JAK3: variants seen among roughly 807,000 people sequenced by gnomAD.
JAK3 encodes the protein Janus kinase 3.
JAK3 carries 88 observed loss-of-function variants against 120.8 expected under a neutral mutation model. The observed-to-expected ratio is 0.73, with a 90% CI of 0.61 to 0.87. The LOEUF is 0.87. Among genes scored for constraint, JAK3 ranks in the 40% least tolerant of loss-of-function variants. The probability of loss-of-function intolerance (pLI) is 0.00; values close to 1 mark genes in which losing one functional copy is unlikely to be tolerated. For missense variants in JAK3, 1,254 were observed against 1,501.4 expected (o/e 0.84, Z 2.72); for synonymous variants, 592 against 628.6 (o/e 0.94, Z 0.87).
intron 8 of JAK3, among the ~76,000 whole-genome samples, chr19:17,840,632 G>A (rs557706591): frequency 6.6e-6 from 1 of 151,954 alleles, no homozygotes; most frequent in Non-Finnish European, 1.5e-5. Context: ...GCGTGGTGGC[G>A]AGCACCTGTA....
chr19:17,838,969 G>A lies in JAK3; in HGVS notation c.1441+508C>T, dbSNP rs568686889. Among the ~76,000 whole-genome samples, 37 of 152,234 alleles carry A rather than the reference G, an allele frequency of 2.4e-4. 2 individuals are homozygous for A. In the South Asian group the frequency reaches 6.8e-3, roughly 28 times the overall value. The stretch of plus-strand genomic sequence containing the variant: ...GACCTCAGGTGATCCATCTGCCTCA[G>A]CCTCCCGAAGTGCTGGTATTACAGA... On this transcript the variant is annotated intron_variant, in intron 10 of 23. Coordinates refer to ENST00000458235, the MANE Select transcript of JAK3 (RefSeq NM_000215.4).
In JAK3 at chr19:17,831,561, T is replaced by C. The variant is rs1122385; in HGVS notation, c.2805+113A>G. The C allele has an allele frequency of 0.34, 514,289 of 1,493,028 alleles. 92,208 individuals carry two copies. Among genetic ancestry groups the C allele is most frequent in the African/African-American group, 0.57 (40,399 of 71,466 alleles). 92.5% of individuals were successfully genotyped at this position (1,493,028 alleles called of 1,614,324 possible). A position where few individuals can be genotyped will look rare whatever the true frequency, so the allele number is the denominator to read the frequency against. ...CTGAGCCCTAAGCCAACCCCACCAC[T>C]CCCGAGACCTGGACCCCAAACCACT... On this transcript the variant is annotated intron_variant, in intron 20 of 23. Coordinates refer to ENST00000458235, the MANE Select transcript of JAK3 (RefSeq NM_000215.4). This position sits in a 1 kb window ranked among gnomAD's most constrained non-coding sequence, Gnocchi z 5.1.
chr19:17,825,253 A>G lies in JAK3; in HGVS notation c.*1490T>C. 4.4e-6 allele frequency: 1 copy of G among 229,540 alleles called. No homozygotes were observed. The allele number at this position is 229,540 out of a possible 1,614,324, so 14.2% of individuals were successfully genotyped here. A position where few individuals can be genotyped will look rare whatever the true frequency, so the allele number is the denominator to read the frequency against. Reference sequence around the variant, plus strand: ...TGTAGGCTCCAATACTTGGGCTCTTAACCTCCTTACTCTGAGCCTTCTCAC... The same window carrying G: ...TGTAGGCTCCAATACTTGGGCTCTTGACCTCCTTACTCTGAGCCTTCTCAC... On this transcript the variant is annotated 3_prime_UTR_variant, in exon 24 of 24. Transcript: ENST00000458235.
At position 17,840,279 on chromosome 19, in the gene JAK3, C is replaced by T. The variant is rs767428670; in HGVS notation, c.1205G>A (p.Arg402His). ...GCTGTCAAAGTCCTGGGGGCTGCGGCGGAGAACATAGGAGCCAGGACGTGA... is the reference window on the plus strand; with the variant it reads ...GCTGTCAAAGTCCTGGGGGCTGCGGTGGAGAACATAGGAGCCAGGACGTGA... ...GGSRPGSYVL[R>H]RSPQDFDSFL... Residue 402 changes from arginine (R) to histidine (H), a missense_variant, in exon 9 of 24, where the codon CGC (arginine) becomes CAC (histidine). Arg to His is a conservative substitution (Grantham distance 29). Coordinates refer to ENST00000458235, the MANE Select transcript of JAK3 (RefSeq NM_000215.4). 1.2e-6 allele frequency: 2 copies of T among 1,613,938 alleles called. No individual in the cohort carries two copies. Among genetic ancestry groups the T allele is most frequent in the South Asian group, 1.1e-5 (1 of 91,076 alleles).
chr19:17,834,474 C>G, intron 17 of JAK3, 97 bp downstream of exon 17: 1 of 1,418,016 alleles, frequency 7.1e-7, no homozygotes, highest in East Asian at 2.4e-5. Flanking sequence ...CCAACCTCAC[C>G]AGACACACAG....
chr19:17,845,510 G>GA (rs1252295794), intron 1 of JAK3, among the ~76,000 whole-genome samples: 8 of 151,818 alleles, frequency 5.3e-5, no homozygotes, highest in East Asian at 3.9e-4. Flanking sequence ...CTCTCAAAAA[G>GA]AAAAAAAAGC....
intron 17 of JAK3, among the ~76,000 whole-genome samples, chr19:17,834,037 G>A (rs113580539): frequency 1.3e-5 from 2 of 151,910 alleles, no homozygotes; most frequent in African/African-American, 4.8e-5. Context: ...ACTGCGCCCA[G>A]CCAAACATTT....
chr19:17,831,593 C>A lies in JAK3; in HGVS notation c.2805+81G>T. 1.3e-6 allele frequency: 2 copies of A among 1,544,188 alleles called. No homozygotes were observed. Among genetic ancestry groups the A allele is most frequent in the Non-Finnish European group, 1.7e-6 (2 of 1,146,454 alleles). ...ACCTGGACCCCAAACCACTCCTCAGCCTTCACCGCGACCTCCAAGCAGACC... is the reference window on the plus strand; with the variant it reads ...ACCTGGACCCCAAACCACTCCTCAGACTTCACCGCGACCTCCAAGCAGACC... On this transcript the variant is annotated intron_variant, in intron 20 of 23. Coordinates refer to ENST00000458235, the MANE Select transcript of JAK3 (RefSeq NM_000215.4). The surrounding 1 kb of genome is among the most constrained non-coding windows in gnomAD (Gnocchi z 5.1).
chr19:17,847,309 T>C (rs1399695567), intron 1 of JAK3, among the ~76,000 whole-genome samples: 1 of 152,112 alleles, frequency 6.6e-6, no homozygotes, highest in Non-Finnish European at 1.5e-5. Flanking sequence ...GAGACCTGCC[T>C]GAACAACATA....
Position 17,824,856 on chromosome 19 carries a change from C to T in JAK3, c.*1887G>A, listed in dbSNP as rs955193889. 4.7e-6 allele frequency: 1 copy of T among 210,714 alleles called. No individual in the cohort carries two copies. The highest frequency in any genetic ancestry group is 2.3e-5 in the African/African-American group (1 of 44,044). 13.1% of individuals were successfully genotyped at this position (210,714 alleles called of 1,614,324 possible). On this transcript the variant is annotated 3_prime_UTR_variant, in exon 24 of 24. Coordinates refer to ENST00000458235, the MANE Select transcript of JAK3 (RefSeq NM_000215.4). Reference sequence around the variant, plus strand: ...TCTGTACTGAGGCCTCAGCCCAGCCCCCAAGGAACCCTGAGGTCAGGGGAG... The same window carrying T: ...TCTGTACTGAGGCCTCAGCCCAGCCTCCAAGGAACCCTGAGGTCAGGGGAG...
At chr19:17,837,361 C>G in intron 12 of JAK3, 148 bp from the exon 13 acceptor site, 1 of 700,472 alleles carries the variant, frequency 1.4e-6, no homozygotes. Flanking sequence ...CACAGCACTA[C>G]CATGATTTTC....
In JAK3 at chr19:17,825,040, G is replaced by C. The variant is rs1229041745; in HGVS notation, c.*1703C>G. 1 of 227,286 alleles carries C rather than the reference G, an allele frequency of 4.4e-6. No homozygotes were observed. Among genetic ancestry groups the C allele is most frequent in the Non-Finnish European group, 8.7e-6 (1 of 114,438 alleles). The allele number at this position is 227,286 out of a possible 1,614,324, so 14.1% of individuals were successfully genotyped here. A position where few individuals can be genotyped will look rare whatever the true frequency, so the allele number is the denominator to read the frequency against. The stretch of plus-strand genomic sequence containing the variant: ...AAGAGTTTTCCAAGGAGGCAAAAGT[G>C]GCAGAAAAGCTTTGCAGGTGAGGAG... On this transcript the variant is annotated 3_prime_UTR_variant, in exon 24 of 24. Transcript: ENST00000458235.
At chr19:17,840,126 C>A (rs1234076962) in intron 9 of JAK3, 104 bp downstream of exon 9, 2 of 796,264 alleles carry the variant, frequency 2.5e-6, no homozygotes, top group Non-Finnish European at 4.3e-6. Context: ...TGTCTTTTCC[C>A]TCCTATTCTT....
chr19:17,830,419 G>T, intron 22 of JAK3, 84 bp downstream of exon 22: 1 of 1,134,996 alleles, frequency 8.8e-7, no homozygotes, highest in Non-Finnish European at 1.3e-6. Flanking sequence ...TGCTAAAGAG[G>T]GACGCAGGCG....
intron 21 of JAK3, among the ~76,000 whole-genome samples, chr19:17,830,945 G>A (rs1195326467): frequency 4.3e-5 from 6 of 137,964 alleles, no homozygotes; most frequent in Non-Finnish European, 7.8e-5. Flanking sequence ...GAGGGGCGGA[G>A]CCAGCGTGTT....
At position 17,826,809 on chromosome 19, in the gene JAK3, C is replaced by T; in HGVS notation, c.3309G>A (p.Arg1103=). The T allele has an allele frequency of 6.2e-7, 1 of 1,614,100 alleles. No homozygotes were observed. Among genetic ancestry groups the T allele is most frequent in the South Asian group, 1.1e-5 (1 of 91,080 alleles). ...PQLDMLWSGS[R]GCETHAFTAH... ...CAGTGAAGGCATGAGTCTCACACCCCCGGCTTCCGCTCCACAGCATGTCCA... is the reference window on the plus strand; with the variant it reads ...CAGTGAAGGCATGAGTCTCACACCCTCGGCTTCCGCTCCACAGCATGTCCA... The change falls in exon 24 of 24, where the codon CGG becomes CGA. Residue 1103 remains arginine, a synonymous_variant. Coordinates refer to ENST00000458235, the MANE Select transcript of JAK3 (RefSeq NM_000215.4).
chr19:17,846,608 G>A (rs917640085), intron 1 of JAK3, among the ~76,000 whole-genome samples: 6 of 152,014 alleles, frequency 3.9e-5, no homozygotes, highest in Non-Finnish European at 7.4e-5. Flanking sequence ...TTTTTGAGAC[G>A]GAGTCTCGCA....
In JAK3 at chr19:17,840,267, T is replaced by C. The variant is rs373749238; in HGVS notation, c.1217A>G (p.Gln406Arg). The C allele has an allele frequency of 6.2e-7, 1 of 1,613,870 alleles. No individual in the cohort carries two copies. The highest frequency in any genetic ancestry group is 8.5e-7 in the Non-Finnish European group (1 of 1,179,932). The change falls in exon 9 of 24, where the codon CAG becomes CGG. Residue 406 changes from glutamine (Q) to arginine (R), a missense_variant. By Grantham distance (43) the Gln-to-Arg change is conservative (BLOSUM62 1). Transcript: ENST00000458235. ...AGTGAGGAGGAAGCTGTCAAAGTCCTGGGGGCTGCGGCGGAGAACATAGGA... is the reference window on the plus strand; with the variant it reads ...AGTGAGGAGGAAGCTGTCAAAGTCCCGGGGGCTGCGGCGGAGAACATAGGA... The part of the protein sequence containing the change: ...PGSYVLRRSP[Q>R]DFDSFLLTVC...
rs1364385330 is a variant in JAK3, at chr19:17,839,609, T to A, written c.1309A>T (p.Thr437Ser). The change falls in exon 10 of 24, where the codon ACC becomes TCC. Residue 437 changes from threonine (T) to serine (S), a missense_variant. By Grantham distance (58) the Thr-to-Ser change is moderately conservative. This residue lies in a region of JAK3 where 486 missense variants were observed against 503.0 expected (regional missense o/e 0.97). Transcript: ENST00000458235. ...GCLIRRSPTG[T>S]FLLVGLSRPH... is the part of the protein sequence containing the mutation. ...CGGCTGAGGCCAACCAGAAGGAAGG[T>A]TCCTGTGGGGCTGCGCCGGATGAGG... The A allele has an allele frequency of 6.2e-7, 1 of 1,612,620 alleles. No individual in the cohort carries two copies. Among genetic ancestry groups the A allele is most frequent in the Non-Finnish European group, 8.5e-7 (1 of 1,179,612 alleles).
Sources: gnomAD v4.1 joint callset for allele counts (sites outside exome capture counted in the v4.1 genomes callset) on GRCh38, gnomAD v4.1.1 for gene constraint, gnomAD v4.1.1 regional missense constraint, Gnocchi (gnomAD v3.1) non-coding constraint, MANE v1.5 for transcripts, NCBI Gene and HGNC (gene_info 2026-07-23, HGNC 2026-07-21) for gene names.